The following GLG1 variants were observed in gnomAD, a reference collection of about 807,000 sequenced individuals.
GLG1 encodes Golgi apparatus protein 1.
In GLG1, 38 loss-of-function variants were observed where a neutral mutation model predicts 160.5. The observed-to-expected ratio is 0.24, with a 90% CI of 0.18 to 0.31. The LOEUF (loss-of-function observed/expected upper bound fraction) is 0.31, where lower values mean the gene tolerates loss of function less well. GLG1 is among the 10% of genes least tolerant of loss of function. The pLI is 1.00. For missense variants in GLG1, 1,373 were observed against 1,505.2 expected (o/e 0.91, Z 1.45); for synonymous variants, 644 against 543.4 (o/e 1.19, Z -2.57).
chr16:74,576,975 C>T (rs2019022707), intron 1 of GLG1, among the ~76,000 whole-genome samples: 2 of 151,388 alleles, frequency 1.3e-5, no homozygotes, highest in Non-Finnish European at 2.9e-5. Context: ...TGTCAGTCTC[C>T]CAGTGGCATG....
intron 8 of GLG1, among the ~76,000 whole-genome samples, 153 bp downstream of exon 8, chr16:74,490,848 T>C (rs2015955296): frequency 6.6e-6 from 1 of 152,224 alleles, no homozygotes; most frequent in East Asian, 1.9e-4. Context: ...AAGATATGCC[T>C]GAAGAAGCAA....
At chr16:74,477,254 T>A in intron 12 of GLG1, 142 bp downstream of exon 12, 1 of 719,622 alleles carries the variant, frequency 1.4e-6, no homozygotes, top group Admixed American at 2.8e-5. Flanking sequence ...GAGAATTTCT[T>A]CCAGAGAAAA....
intron 2 of GLG1, among the ~76,000 whole-genome samples, chr16:74,521,675 C>G (rs2017168720): frequency 6.6e-6 from 1 of 152,084 alleles, no homozygotes; most frequent in Non-Finnish European, 1.5e-5. Context: ...GTGGAATCAG[C>G]AGCTAAAGTC....
chr16:74,479,285 C>G (rs1283105330), intron 11 of GLG1, among the ~76,000 whole-genome samples: 1 of 148,516 alleles, frequency 6.7e-6, no homozygotes, highest in African/African-American at 2.5e-5. Flanking sequence ...TGAATTTCAC[C>G]TCAATTTAAA....
intron 1 of GLG1, among the ~76,000 whole-genome samples, chr16:74,551,207 T>C (rs1195322027): frequency 6.6e-6 from 1 of 152,230 alleles, no homozygotes; most frequent in East Asian, 1.9e-4. Context: ...AGGTTAATTA[T>C]ACATAATAAA....
chr16:74,510,271 T>G (rs2016761985), intron 2 of GLG1, among the ~76,000 whole-genome samples: 1 of 152,100 alleles, frequency 6.6e-6, no homozygotes, highest in South Asian at 2.1e-4. Context: ...CCTCAGGTGA[T>G]CCACCCACCT....
chr16:74,530,570 T>G (rs2017500769), intron 2 of GLG1, among the ~76,000 whole-genome samples: 1 of 152,180 alleles, frequency 6.6e-6, no homozygotes, highest in East Asian at 1.9e-4. Flanking sequence ...TGTTGTAGTT[T>G]TTTGATCTAT....
intron 8 of GLG1, among the ~76,000 whole-genome samples, chr16:74,489,136 C>A (rs1446448613): frequency 6.6e-6 from 1 of 151,962 alleles, no homozygotes; most frequent in African/African-American, 2.4e-5. Flanking sequence ...AGTCTATTTT[C>A]TTTTTTCTGT....
chr16:74,465,652 C>T (rs886628479), intron 19 of GLG1, 24 bp downstream of exon 19: 5 of 1,609,990 alleles, frequency 3.1e-6, no homozygotes, highest in Non-Finnish European at 4.2e-6. Flanking sequence ...CATCCGTGCT[C>T]GGCCTTTGGT....
At chr16:74,594,557 C>T (rs1958257109) in intron 1 of GLG1, among the ~76,000 whole-genome samples, 2 of 152,170 alleles carry the variant, frequency 1.3e-5, no homozygotes, top group Admixed American at 6.6e-5. Context: ...TGAGGACCAT[C>T]ACTTAGGATC....
chr16:74,574,883 CAAAAAAAAAAAAAAA>C (rs531720341), intron 1 of GLG1, among the ~76,000 whole-genome samples: 4 of 24,792 alleles, frequency 1.6e-4, no homozygotes, highest in East Asian at 3.5e-3. Flanking sequence ...GACTCTGTCT[CAAAAAAAAAAAAAAA>C]AAAAAAAAAA....
At chr16:74,514,108 C>G (rs982499325) in intron 2 of GLG1, among the ~76,000 whole-genome samples, 18 of 152,038 alleles carry the variant, frequency 1.2e-4, no homozygotes, top group African/African-American at 4.1e-4. Flanking sequence ...TGAAAAGAAA[C>G]GAACAAAACC....
At chr16:74,564,712 C>G (rs1309643401) in intron 1 of GLG1, among the ~76,000 whole-genome samples, 1 of 152,224 alleles carries the variant, frequency 6.6e-6, no homozygotes, top group Non-Finnish European at 1.5e-5. Context: ...TGAGAGCCCA[C>G]TGTTTTGGAT....
chr16:74,551,489 T>TTTA (rs58883603), intron 1 of GLG1, among the ~76,000 whole-genome samples: 1 of 145,090 alleles, frequency 6.9e-6, no homozygotes, highest in East Asian at 2.0e-4. Flanking sequence ...TTTTTTTTTT[T>TTTA]AATTTTTAGT....
chr16:74,508,899 T>C lies in GLG1; in HGVS notation c.498A>G (p.Leu166=). The change falls in exon 3 of 26, where the codon CTA becomes CTG. Residue 166 remains leucine, a synonymous_variant. Transcript: ENST00000422840. The part of the protein sequence containing the change: ...NHLLWNYKLN[L]TTDPKFESVA... ...CAGATTCAAATTTGGGATCTGTAGT[T>C]AGGTTCAGCTTATAATTCCACAACA... The C allele has an allele frequency of 6.7e-7, 1 of 1,499,360 alleles. No homozygotes were observed. The highest frequency in any genetic ancestry group is 9.3e-7 in the Non-Finnish European group (1 of 1,077,436). The allele number at this position is 1,499,360 out of a possible 1,614,324, so 92.9% of individuals were successfully genotyped here.
chr16:74,544,583 T>C lies in GLG1; in HGVS notation c.439-12430A>G, dbSNP rs987885893. 2.0e-5 allele frequency among the ~76,000 whole-genome samples: 3 copies of C among 152,196 alleles called. No individual in the cohort carries two copies. In the East Asian group the frequency reaches 5.8e-4, roughly 29 times the overall value. On this transcript the variant is annotated intron_variant, in intron 1 of 25. Coordinates refer to ENST00000422840, the MANE Select transcript of GLG1 (RefSeq NM_001145667.2). ...GTGCAATAGCGTGATCACGGCTCACTGTAACCTCCGCCTCCCAGGTTTAGG... is the reference window on the plus strand; with the variant it reads ...GTGCAATAGCGTGATCACGGCTCACCGTAACCTCCGCCTCCCAGGTTTAGG...
intron 17 of GLG1, chr16:74,468,708 G>A: frequency 1.9e-6 from 1 of 521,456 alleles, no homozygotes; most frequent in Non-Finnish European, 3.5e-6. Context: ...CACATGCTTA[G>A]TTAGAGCCTG....
chr16:74,509,458 G>A (rs894411013), intron 2 of GLG1, among the ~76,000 whole-genome samples: 1 of 151,998 alleles, frequency 6.6e-6, no homozygotes, highest in African/African-American at 2.4e-5. Flanking sequence ...TTCAGTCTCA[G>A]ATCTCACAAT....
intron 1 of GLG1, among the ~76,000 whole-genome samples, chr16:74,542,128 C>G (rs1342438932): frequency 1.3e-5 from 2 of 149,600 alleles, no homozygotes; most frequent in Non-Finnish European, 3.0e-5. Context: ...CAGTTCTACT[C>G]TAAGAAAAGC....
Sources: allele counts gnomAD v4.1 joint callset (sites outside exome capture counted in the v4.1 genomes callset), GRCh38; gene constraint gnomAD v4.1.1; transcripts MANE v1.5; gene names NCBI Gene and HGNC (gene_info 2026-07-23, HGNC 2026-07-21).